Variants in ZC3H7A observed in about 807,000 individuals in gnomAD.
ZC3H7A encodes zinc finger CCCH domain-containing protein 7A.
In ZC3H7A, 44 loss-of-function variants were observed where a neutral mutation model predicts 125.5. That is an observed-to-expected ratio of 0.35 (90% CI 0.28 to 0.45). The LOEUF (loss-of-function observed/expected upper bound fraction) is 0.45, where lower values mean the gene tolerates loss of function less well. Among genes scored for constraint, ZC3H7A ranks in the 20% least tolerant of loss-of-function variants. The pLI is 1.00. For missense variants in ZC3H7A, 977 were observed against 1,170.7 expected, an observed-to-expected ratio of 0.83 and a Z score of 2.41; for synonymous variants, 399 against 391.2, an observed-to-expected ratio of 1.02 and a Z score of -0.23.
chr16:11,781,045 A>G (rs1596399407), intron 3 of ZC3H7A, among the ~76,000 whole-genome samples: 1 of 152,164 alleles, frequency 6.6e-6, no homozygotes, highest in Non-Finnish European at 1.5e-5. Context: ...CCACCCTAAT[A>G]GAGGAAAGAA....
rs2052547159 is a variant in ZC3H7A at position 11,751,148 on chromosome 16, A to C, written c.*169T>G. The stretch of plus-strand genomic sequence containing the variant: ...CCAGTGGTTCCGTGAGAGCGTGGCC[A>C]GGCCTGTGAAACAGCCCATTTTCCT... On this transcript the variant is annotated 3_prime_UTR_variant, in exon 23 of 23. Coordinates refer to ENST00000355758, the MANE Select transcript of ZC3H7A (RefSeq NM_014153.4). 1.6e-6 allele frequency: 1 copy of C among 633,188 alleles called. No homozygotes were observed. Among genetic ancestry groups the C allele is most frequent in the Admixed American group, 3.3e-5 (1 of 30,104 alleles). 39.2% of individuals were successfully genotyped at this position (633,188 alleles called of 1,614,324 possible).
chr16:11,766,237 G>C (rs1220670385), intron 13 of ZC3H7A, among the ~76,000 whole-genome samples: 1 of 152,234 alleles, frequency 6.6e-6, no homozygotes, highest in Non-Finnish European at 1.5e-5. Context: ...TCTGTTTAGA[G>C]AGAACTTAAG....
intron 10 of ZC3H7A, among the ~76,000 whole-genome samples, chr16:11,769,669 C>T (rs1455396757): frequency 1.6e-5 from 2 of 123,800 alleles, no homozygotes; most frequent in Non-Finnish European, 3.2e-5. Flanking sequence ...CAAGATTTCG[C>T]CACTGCTTTC....
chr16:11,794,643 T>C (rs2053405177), intron 1 of ZC3H7A, among the ~76,000 whole-genome samples: 1 of 152,212 alleles, frequency 6.6e-6, no homozygotes, highest in South Asian at 2.1e-4. Context: ...AGGGTATCTG[T>C]GGCAACAGGA....
rs1458464285 is a variant in ZC3H7A at position 11,767,497 on chromosome 16, T to C, written c.1442A>G (p.Asn481Ser). 6.2e-7 allele frequency: 1 copy of C among 1,612,498 alleles called. No homozygotes were observed. The highest frequency in any genetic ancestry group is 8.5e-7 in the Non-Finnish European group (1 of 1,179,122). The change falls in exon 13 of 23, where the codon AAT becomes AGT. Residue 481 changes from asparagine (N) to serine (S), a missense_variant. Asn to Ser is a conservative substitution (Grantham distance 46, BLOSUM62 1). Coordinates refer to ENST00000355758, the MANE Select transcript of ZC3H7A (RefSeq NM_014153.4). ...KKDILIGRIKNVEDKSWKKIR... is the reference protein window; with the variant it reads ...KKDILIGRIKSVEDKSWKKIR... ...TTTTTTCCATGATTTATCTTCAACATTCTTTATCCTACCGATTAAAATATC... is the reference window on the plus strand; with the variant it reads ...TTTTTTCCATGATTTATCTTCAACACTCTTTATCCTACCGATTAAAATATC...
At chr16:11,751,830 T>C (rs1300515438) in intron 22 of ZC3H7A, among the ~76,000 whole-genome samples, 1 of 151,906 alleles carries the variant, frequency 6.6e-6, no homozygotes, top group African/African-American at 2.4e-5. Flanking sequence ...TGGATCTAAA[T>C]TAGGGAATTA....
At position 11,774,468 on chromosome 16, in the gene ZC3H7A, G is replaced by C; in HGVS notation, c.671C>G (p.Pro224Arg). The C allele has an allele frequency of 3.2e-6, 5 of 1,586,610 alleles. No individual in the cohort carries two copies. Among genetic ancestry groups the C allele is most frequent in the Non-Finnish European group, 4.3e-6 (5 of 1,163,460 alleles). ...ACTTCCAACTTCATGAGAAAAACTG[G>C]GTGCCGGTAAAGAGACAACAGGAAC... ...EAVPVVSLPA[P>R]SFSHEVGSEL... is the part of the protein sequence containing the mutation. Residue 224 changes from proline to arginine, a missense_variant, in exon 9 of 23, where the codon CCC (proline) becomes CGC (arginine). Transcript: ENST00000355758.
intron 1 of ZC3H7A, 65 bp downstream of exon 1, chr16:11,797,059 C>CGCG (rs2053452220): frequency 7.0e-6 from 1 of 143,468 alleles, no homozygotes; most frequent in African/African-American, 2.5e-5. Context: ...GCGGCGCGCG[C>CGCG]GGGGGGGGCG....
At chr16:11,789,180 T>C (rs984457898) in intron 1 of ZC3H7A, among the ~76,000 whole-genome samples, 5 of 152,216 alleles carry the variant, frequency 3.3e-5, no homozygotes, top group Admixed American at 3.3e-4. Flanking sequence ...TTCATGGGAC[T>C]CCATGTACTA....
At chr16:11,763,354 C>G in intron 16 of ZC3H7A, 124 bp downstream of exon 16, 1 of 941,436 alleles carries the variant, frequency 1.1e-6, no homozygotes, top group South Asian at 2.1e-5. Flanking sequence ...AGTGATCCAT[C>G]TGCCTCAGCC....
rs755363712 is a variant in ZC3H7A, at chr16:11,768,347, C to T, written c.1328G>A (p.Arg443Lys). 5 of 1,575,294 alleles carry T rather than the reference C, an allele frequency of 3.2e-6. No homozygotes were observed. The highest frequency in any genetic ancestry group is 2.3e-5 in the East Asian group (1 of 44,398). ...RHPLEGTHEL[R>K]QACQICFVKS... ...TACAAAACAGATCTGGCAAGCTTGT[C>T]TCAATTCATGGGTTCCTTCGAGGGG... Residue 443 changes from arginine (R) to lysine (K), a missense_variant, in exon 12 of 23, where the codon AGA becomes AAA. This residue lies in a region of ZC3H7A where 342 missense variants were observed against 311.3 expected (regional missense o/e 1.10). Coordinates refer to ENST00000355758, the MANE Select transcript of ZC3H7A (RefSeq NM_014153.4).
rs144690717 is a variant in ZC3H7A, at chr16:11,752,887, T to G, written c.2563-55A>C. ...TAGTCACCTGATGTGAGATCCAGAC[T>G]CAATTCCAGGGAGCCCAGGCTGGTG... On this transcript the variant is annotated intron_variant, in intron 21 of 22. Coordinates refer to ENST00000355758, the MANE Select transcript of ZC3H7A (RefSeq NM_014153.4). The G allele has an allele frequency of 2.9e-5, 45 of 1,571,080 alleles. No individual in the cohort carries two copies. The East Asian group carries it at 9.5e-4, about 33-fold the overall frequency.
chr16:11,764,612 C>T (rs540847770), intron 15 of ZC3H7A, among the ~76,000 whole-genome samples: 10 of 152,180 alleles, frequency 6.6e-5, no homozygotes, highest in African/African-American at 1.4e-4. Context: ...ATCCCAGCTA[C>T]TCGAGAGGCT....
intron 20 of ZC3H7A, among the ~76,000 whole-genome samples, chr16:11,756,823 A>G (rs1015489342): frequency 6.6e-6 from 1 of 152,106 alleles, no homozygotes; most frequent in Non-Finnish European, 1.5e-5. Context: ...ACATACTACT[A>G]CTGGACCAAG....
At chr16:11,793,762 G>A (rs1368528762) in intron 1 of ZC3H7A, among the ~76,000 whole-genome samples, 1 of 152,198 alleles carries the variant, frequency 6.6e-6, no homozygotes, top group African/African-American at 2.4e-5. Flanking sequence ...AAACCCAGAT[G>A]ATAAGACATT....
chr16:11,797,081 G>A (rs1201573208), intron 1 of ZC3H7A, 43 bp downstream of exon 1: 1 of 129,102 alleles, frequency 7.7e-6, no homozygotes, highest in Non-Finnish European at 1.5e-5. Context: ...GGGCGCGGGC[G>A]CGCGCGTTTC....
At chr16:11,774,635 T>A (rs2141197193) in intron 8 of ZC3H7A, 116 bp from the exon 9 acceptor site, 1 of 1,247,100 alleles carries the variant, frequency 8.0e-7, no homozygotes, top group East Asian at 2.6e-5. Flanking sequence ...ATAAAAATAA[T>A]AAAATTGACA....
chr16:11,790,359 T>G (rs2141220714), intron 1 of ZC3H7A, among the ~76,000 whole-genome samples: 2 of 152,336 alleles, frequency 1.3e-5, no homozygotes, highest in South Asian at 4.1e-4. Flanking sequence ...CTTCCTTGTC[T>G]GTGAATTGTT....
At chr16:11,768,951 G>A in intron 11 of ZC3H7A, 80 bp downstream of exon 11, 4 of 1,398,862 alleles carry the variant, frequency 2.9e-6, no homozygotes, top group Non-Finnish European at 2.9e-6. Flanking sequence ...AGACTGTCAT[G>A]TTCATTCAAA....
Sources: gnomAD v4.1 joint callset for allele counts (sites outside exome capture counted in the v4.1 genomes callset) on GRCh38, gnomAD v4.1.1 for gene constraint, gnomAD v4.1.1 regional missense constraint, MANE v1.5 for transcripts, NCBI Gene and HGNC (gene_info 2026-07-23, HGNC 2026-07-21) for gene names.